Variants in PM20D1 observed in about 807,000 individuals in gnomAD.
PM20D1 encodes peptidase M20 domain containing 1.
Under a neutral mutation model 53.8 loss-of-function variants are expected in PM20D1, and 53 were observed. The observed-to-expected ratio is 0.98, with a 90% CI of 0.79 to 1.24. The LOEUF (loss-of-function observed/expected upper bound fraction) is 1.24. Among genes scored for constraint, PM20D1 ranks in the 50% most tolerant of loss-of-function variants. The pLI, the probability that PM20D1 is intolerant of heterozygous loss-of-function variation, is 0.00. For synonymous variants in PM20D1, 239 were observed against 241.3 expected, an observed-to-expected ratio of 0.99 and a Z score of 0.09; for missense variants, 564 against 616.8, an observed-to-expected ratio of 0.91 and a Z score of 0.91.
chr1:205,840,840 C>T (rs746372056), intron 9 of PM20D1, among the ~76,000 whole-genome samples: 1 of 152,174 alleles, frequency 6.6e-6, no homozygotes, highest in African/African-American at 2.4e-5. Context: ...CAGGCAGGAA[C>T]AAAAGAGTGA....
chr1:205,845,275 C>T (rs760500927), intron 3 of PM20D1, 50 bp downstream of exon 3: 24 of 1,565,736 alleles, frequency 1.5e-5, no homozygotes, highest in Admixed American at 3.3e-5. Flanking sequence ...GCACCCCCAT[C>T]CTGATTGATC....
chr1:205,848,063 C>G (rs1657034816), intron 1 of PM20D1, 92 bp from the exon 2 acceptor site: 2 of 1,216,498 alleles, frequency 1.6e-6, no homozygotes, highest in Non-Finnish European at 2.4e-6. Context: ...CTTTTGCCTT[C>G]ATTATCATAT....
Position 205,850,128 on chromosome 1 carries a change from A to G in PM20D1, c.-56T>C, listed in dbSNP as rs1271544800. 1.9e-6 allele frequency: 3 copies of G among 1,556,594 alleles called. No individual in the cohort carries two copies. The highest frequency in any genetic ancestry group is 8.7e-7 in the Non-Finnish European group (1 of 1,146,282). On this transcript the variant is annotated 5_prime_UTR_variant, in exon 1 of 13. Coordinates refer to ENST00000367136, the MANE Select transcript of PM20D1 (RefSeq NM_152491.5). ...CGGGGTAGTTCTGACCTAAACGCCC[A>G]GACTAGCGTTTCTTGGCCCTAGCTC...
intron 12 of PM20D1, among the ~76,000 whole-genome samples, chr1:205,829,404 G>A (rs823083): frequency 6.6e-6 from 1 of 151,908 alleles, no homozygotes; most frequent in South Asian, 2.1e-4. Flanking sequence ...GTCTCCTACT[G>A]TCCCACTTAC....
At chr1:205,841,570 C>A (rs1656808617) in intron 9 of PM20D1, among the ~76,000 whole-genome samples, 1 of 152,192 alleles carries the variant, frequency 6.6e-6, no homozygotes, top group South Asian at 2.1e-4. Context: ...TACTAGAGTG[C>A]TTCAAGGTCA....
At chr1:205,846,000 T>C (rs1195042860) in intron 2 of PM20D1, among the ~76,000 whole-genome samples, 1 of 151,472 alleles carries the variant, frequency 6.6e-6, no homozygotes, top group Non-Finnish European at 1.5e-5. Flanking sequence ...GGAGAATCGC[T>C]TGAACCTGGG....
At chr1:205,834,411 C>T (rs1442499433) in intron 10 of PM20D1, among the ~76,000 whole-genome samples, 1 of 152,116 alleles carries the variant, frequency 6.6e-6, no homozygotes, top group Non-Finnish European at 1.5e-5. Context: ...TCTGCCTTGC[C>T]CTCCCAAAGT....
chr1:205,845,825 G>A (rs928165623), intron 2 of PM20D1, among the ~76,000 whole-genome samples: 2 of 152,324 alleles, frequency 1.3e-5, no homozygotes, highest in South Asian at 4.1e-4. Context: ...GCTCATGCCT[G>A]TAATCCCAGC....
intron 11 of PM20D1, 91 bp from the exon 12 acceptor site, chr1:205,830,470 C>T (rs1474839404): frequency 1.7e-5 from 15 of 857,758 alleles, no homozygotes; most frequent in Admixed American, 7.2e-5. Context: ...AAAATCAGGA[C>T]TACTGGATCA....
chr1:205,850,051 C>G lies in PM20D1; in HGVS notation c.22G>C (p.Val8Leu). The G allele has an allele frequency of 1.2e-6, 2 of 1,613,900 alleles. No individual in the cohort carries two copies. Among genetic ancestry groups the G allele is most frequent in the Non-Finnish European group, 1.7e-6 (2 of 1,179,818 alleles). The stretch of plus-strand genomic sequence containing the variant: ...AGCAGCATAGCCACCAGGGCCAGCA[C>G]GCAAACGCACCGCTGAGCCATGCTT... MAQRCVC[V>L]LALVAMLLLV... The change falls in exon 1 of 13, where the codon GTG (valine) becomes CTG (leucine). Residue 8 changes from valine to leucine, a missense_variant. Physicochemically the swap from Val to Leu is conservative, Grantham distance 32. Coordinates refer to ENST00000367136, the MANE Select transcript of PM20D1 (RefSeq NM_152491.5).
At chr1:205,833,332 T>C (rs963850966) in intron 10 of PM20D1, among the ~76,000 whole-genome samples, 2 of 152,198 alleles carry the variant, frequency 1.3e-5, no homozygotes, top group African/African-American at 4.8e-5. Flanking sequence ...CAGCAGAATG[T>C]CAATCATCTC....
chr1:205,846,359 C>T (rs1656981484), intron 2 of PM20D1, among the ~76,000 whole-genome samples: 1 of 151,922 alleles, frequency 6.6e-6, no homozygotes, highest in Admixed American at 6.6e-5. Context: ...GCACTCCAGC[C>T]TGGCTGACAC....
intron 10 of PM20D1, among the ~76,000 whole-genome samples, chr1:205,835,448 C>T (rs748948163): frequency 2.0e-5 from 3 of 151,952 alleles, no homozygotes; most frequent in Non-Finnish European, 2.9e-5. Flanking sequence ...GTCAGGAGAT[C>T]GAGACCATCC....
Position 205,844,068 on chromosome 1 carries a change from G to C in PM20D1, c.707+19C>G. 6.3e-7 allele frequency: 1 copy of C among 1,599,742 alleles called. No individual in the cohort carries two copies. Among genetic ancestry groups the C allele is most frequent in the Non-Finnish European group, 8.5e-7 (1 of 1,172,492 alleles). On this transcript the variant is annotated intron_variant, in intron 5 of 12. Coordinates refer to ENST00000367136, the MANE Select transcript of PM20D1 (RefSeq NM_152491.5). The stretch of plus-strand genomic sequence containing the variant: ...GGTGAGAATTCCCTCCAAGGTGTGG[G>C]GTGGGATGCTTTACTCACAAGGCGA...
rs765804572 is a variant in PM20D1 at position 205,845,519 on chromosome 1, C to T, written c.295G>A (p.Glu99Lys). The T allele has an allele frequency of 2.5e-6, 4 of 1,614,104 alleles. No individual in the cohort carries two copies. Among genetic ancestry groups the T allele is most frequent in the Non-Finnish European group, 2.5e-6 (3 of 1,180,048 alleles). Reference protein sequence around the residue: ...TVVSTSFIQHEVVEEYSHLFT... With the variant: ...TVVSTSFIQHKVVEEYSHLFT... ...AGGTGGCTATACTCTTCCACGACTT[C>T]ATGCTGGATAAAGCTGGTGCTGACC... The change falls in exon 3 of 13, where the codon GAA becomes AAA. Residue 99 changes from glutamate (E) to lysine (K), a missense_variant. Coordinates refer to ENST00000367136, the MANE Select transcript of PM20D1 (RefSeq NM_152491.5).
intron 10 of PM20D1, among the ~76,000 whole-genome samples, chr1:205,837,772 G>A (rs1035179107): frequency 1.3e-5 from 2 of 152,136 alleles, no homozygotes; most frequent in African/African-American, 4.8e-5. Context: ...AGAGAGGAGG[G>A]AAGAGTGCCA....
Position 205,850,065 on chromosome 1 carries a change from T to G in PM20D1, c.8A>C (p.Gln3Pro), listed in dbSNP as rs377753742. MA[Q>P]RCVCVLALVA... is the part of the protein sequence containing the mutation. ...CAGGGCCAGCACGCAAACGCACCGCTGAGCCATGCTTCTCTCGAGCTCCTG... is the reference window on the plus strand; with the variant it reads ...CAGGGCCAGCACGCAAACGCACCGCGGAGCCATGCTTCTCTCGAGCTCCTG... Residue 3 changes from glutamine to proline, a missense_variant, in exon 1 of 13, where the codon CAG becomes CCG. Transcript: ENST00000367136. 16 of 1,613,234 alleles carry G rather than the reference T, an allele frequency of 9.9e-6. No homozygotes were observed. In the African/African-American group the frequency reaches 1.9e-4, roughly 19 times the overall value.
Position 205,841,832 on chromosome 1 carries a change from G to T in PM20D1, c.1023C>A (p.Thr341=). The change falls in exon 9 of 13, where the codon ACC becomes ACA. Residue 341 remains threonine, a synonymous_variant. Transcript: ENST00000367136. ...TTACCTTGACCCCTGCTTTGAATAT[G>T]GTGAGTGCCGTGGTGGTCCTGATTA... ...NAIIRTTTAL[T]IFKAGVKFNV... 6.4e-7 allele frequency: 1 copy of T among 1,569,906 alleles called. No individual in the cohort carries two copies. The highest frequency in any genetic ancestry group is 1.4e-5 in the African/African-American group (1 of 73,916).
intron 3 of PM20D1, among the ~76,000 whole-genome samples, 163 bp from the exon 4 acceptor site, chr1:205,845,060 G>A (rs16856421): frequency 0.053 from 8,113 of 152,174 alleles, 258 homozygotes; most frequent in African/African-American, 0.081. Context: ...GACCTGATGC[G>A]GAGAAACAGA....
Sources: allele counts gnomAD v4.1 joint callset (sites outside exome capture counted in the v4.1 genomes callset), GRCh38; gene constraint gnomAD v4.1.1; transcripts MANE v1.5; gene names NCBI Gene and HGNC (gene_info 2026-07-23, HGNC 2026-07-21).